Variants in CPXM2 observed in about 807,000 individuals in gnomAD.
CPXM2 encodes the protein inactive carboxypeptidase-like protein X2.
CPXM2 carries 66 observed loss-of-function variants against 86.1 expected under a neutral mutation model. The ratio of observed to expected loss-of-function variants is 0.77; its 90% confidence interval spans 0.63 to 0.94. The LOEUF is 0.94. Among genes scored for constraint, CPXM2 ranks in the 40% least tolerant of loss-of-function variants. The pLI, the probability that CPXM2 is intolerant of heterozygous loss-of-function variation, is 0.00. For synonymous variants in CPXM2, 388 were observed against 400.2 expected (o/e 0.97, Z 0.36); for missense variants, 948 against 1,026.3 (o/e 0.92, Z 1.04).
chr10:123,771,065 T>G, intron 7 of CPXM2, 26 bp from the exon 8 acceptor site: 1 of 1,608,624 alleles, frequency 6.2e-7, no homozygotes, highest in East Asian at 2.2e-5. Flanking sequence ...AATCAAAAAC[T>G]CTAAGCATTG....
intron 10 of CPXM2, among the ~76,000 whole-genome samples, chr10:123,764,017 T>C (rs1846411049): frequency 6.6e-6 from 1 of 152,250 alleles, no homozygotes; most frequent in Non-Finnish European, 1.5e-5. Flanking sequence ...AATGGACATA[T>C]AATGTTCTCT....
intron 11 of CPXM2, among the ~76,000 whole-genome samples, chr10:123,759,007 T>A (rs944566901): frequency 6.6e-6 from 1 of 152,186 alleles, no homozygotes; most frequent in Non-Finnish European, 1.5e-5. Flanking sequence ...AGCCACTCTC[T>A]ACCCAATTCC....
chr10:123,936,919 G>C (rs1945725896), intron 2 of CPXM2, among the ~76,000 whole-genome samples: 1 of 152,202 alleles, frequency 6.6e-6, no homozygotes, highest in East Asian at 1.9e-4. Flanking sequence ...CTCACCAAAG[G>C]GGGAACCCAG....
intron 6 of CPXM2, among the ~76,000 whole-genome samples, chr10:123,781,743 T>C (rs1395428934): frequency 1.3e-5 from 2 of 152,186 alleles, no homozygotes; most frequent in Non-Finnish European, 2.9e-5. Flanking sequence ...CCCGATCTAC[T>C]GAATTAGAAA....
In CPXM2 at chr10:123,755,791, A is replaced by G. The variant is rs560505735; in HGVS notation, c.1918-1029T>C. Among the ~76,000 whole-genome samples, 4 of 152,276 alleles carry G rather than the reference A, an allele frequency of 2.6e-5. No individual in the cohort carries two copies. The South Asian group carries it at 8.3e-4, about 32-fold the overall frequency. On this transcript the variant is annotated intron_variant, in intron 12 of 13. Coordinates refer to ENST00000241305, the MANE Select transcript of CPXM2 (RefSeq NM_198148.3). ...TCCATCATTACCAATGACTTTACGC[A>G]TATTTCGAGGACTGGGCATTTTATC...
At chr10:123,751,997 A>C in intron 13 of CPXM2, 1 of 985,390 alleles carries the variant, frequency 1.0e-6, no homozygotes, top group Non-Finnish European at 1.2e-6. Flanking sequence ...GGGTCTTTTT[A>C]TCTCCCACTC....
rs145050038 is a variant in CPXM2, at chr10:123,798,898, GTAAA to G, written c.738+213_738+216del. Among the ~76,000 whole-genome samples, 816 of 152,352 alleles carry G rather than the reference GTAAA, an allele frequency of 5.4e-3. 4 individuals carry two copies. Among genetic ancestry groups the G allele is most frequent in the African/African-American group, 0.018 (748 of 41,582 alleles). On this transcript the variant is annotated intron_variant, in intron 5 of 13. Transcript: ENST00000241305. The stretch of plus-strand genomic sequence containing the variant: ...GCATTCCTGCAGTTGCCTGATGGGA[GTAAA>G]TAAAGGCTGAATTTTACATTAGCTC...
rs1209472065 is a variant in CPXM2, at chr10:123,885,893, A to G, written c.304+5463T>C. On this transcript the variant is annotated intron_variant, in intron 1 of 13. Transcript: ENST00000241305. The surrounding 1 kb of genome is among the most constrained non-coding windows in gnomAD (Gnocchi z 4.0). Reference sequence around the variant, plus strand: ...TGGACACTTGAGGCATACAGAAAACACAGTGGCTATTTTTAAGAACCACAG... The same window carrying G: ...TGGACACTTGAGGCATACAGAAAACGCAGTGGCTATTTTTAAGAACCACAG... Among the ~76,000 whole-genome samples the G allele has an allele frequency of 6.6e-6, 1 of 152,240 alleles. No homozygotes were observed. Among genetic ancestry groups the G allele is most frequent in the African/African-American group, 2.4e-5 (1 of 41,476 alleles).
Position 123,812,680 on chromosome 10 carries a change from C to T in CPXM2, c.654-13481G>A, listed in dbSNP as rs114397338. Among the ~76,000 whole-genome samples, 458 of 152,322 alleles carry T rather than the reference C, an allele frequency of 3.0e-3. 2 individuals carry two copies. Among genetic ancestry groups the T allele is most frequent in the African/African-American group, 0.011 (439 of 41,564 alleles). On this transcript the variant is annotated intron_variant, in intron 4 of 13. Coordinates refer to ENST00000241305, the MANE Select transcript of CPXM2 (RefSeq NM_198148.3). ...TGAGCTCGACCTACTGTCAGATCAG[C>T]GGTGGCATTAGGGCATTAGATTCTC...
chr10:123,880,089 C>T, intron 2 of CPXM2, 122 bp downstream of exon 2: 1 of 632,974 alleles, frequency 1.6e-6, no homozygotes, highest in South Asian at 2.0e-5. Context: ...AGACAGCAGG[C>T]CCCAGGCAGC....
chr10:123,773,025 C>A (rs1188444227), intron 7 of CPXM2, among the ~76,000 whole-genome samples: 1 of 150,998 alleles, frequency 6.6e-6, no homozygotes, highest in South Asian at 2.1e-4. Flanking sequence ...TGAGCATCAC[C>A]TCCCTCTTTG....
chr10:123,939,230 T>C (rs1340466682), intron 2 of CPXM2, among the ~76,000 whole-genome samples: 1 of 152,112 alleles, frequency 6.6e-6, no homozygotes, highest in African/African-American at 2.4e-5. Flanking sequence ...ACCATGGCAA[T>C]GTTTTCTACC....
At chr10:123,932,070 C>T (rs76070917) in intron 2 of CPXM2, among the ~76,000 whole-genome samples, 4 of 151,986 alleles carry the variant, frequency 2.6e-5, no homozygotes, top group South Asian at 2.1e-4. Context: ...TGTGAGTCTA[C>T]GAAGGTACAG....
chr10:123,795,534 C>T (rs1410115735), intron 6 of CPXM2, among the ~76,000 whole-genome samples: 1 of 152,094 alleles, frequency 6.6e-6, no homozygotes, highest in African/African-American at 2.4e-5. Context: ...TTGGGTCATC[C>T]CTGGCTCTGG....
intron 3 of CPXM2, among the ~76,000 whole-genome samples, chr10:123,854,373 TA>T (rs1564798920): frequency 2.4e-5 from 2 of 83,108 alleles, no homozygotes; most frequent in Admixed American, 1.3e-4. Flanking sequence ...TATATATATA[TA>T]ATATATATAT....
chr10:123,768,383 AT>A (rs1177988743), intron 9 of CPXM2, 142 bp downstream of exon 9: 183 of 91,950 alleles, frequency 2.0e-3, no homozygotes, highest in Non-Finnish European at 2.9e-3. Context: ...CAAAAAATAA[AT>A]AAATAAATAA....
At chr10:123,902,269 G>C (rs1590113542) in intron 2 of CPXM2, among the ~76,000 whole-genome samples, 1 of 152,198 alleles carries the variant, frequency 6.6e-6, no homozygotes, top group African/African-American at 2.4e-5. Flanking sequence ...ATGGGCCTGA[G>C]CGCCTCCCAT....
chr10:123,857,614 AGATGGAAGGCGGCGTG>A, intron 3 of CPXM2, among the ~76,000 whole-genome samples: 2 of 141,232 alleles, frequency 1.4e-5, no homozygotes, highest in South Asian at 5.2e-4. Context: ...GGCGGCGTGG[AGATGGAAGGCGGCGTG>A]GAGATGGAAG....
At chr10:123,760,387 T>C (rs1341870365) in intron 11 of CPXM2, among the ~76,000 whole-genome samples, 1 of 152,194 alleles carries the variant, frequency 6.6e-6, no homozygotes. Flanking sequence ...TTTTTTTATT[T>C]CATACAAGAT....
Sources: allele counts gnomAD v4.1 joint callset (sites outside exome capture counted in the v4.1 genomes callset), GRCh38; gene constraint gnomAD v4.1.1; non-coding constraint Gnocchi (gnomAD v3.1); transcripts MANE v1.5; gene names NCBI Gene and HGNC (gene_info 2026-07-23, HGNC 2026-07-21).